The following PDE4B variants were observed in gnomAD, a reference collection of about 807,000 sequenced individuals.
PDE4B encodes the protein 3',5'-cyclic-AMP phosphodiesterase 4B.
Under a neutral mutation model 82.2 loss-of-function variants are expected in PDE4B, and 20 were observed. The observed-to-expected ratio is 0.24, with a 90% CI of 0.17 to 0.35. The LOEUF is 0.35. Among genes scored for constraint, PDE4B ranks in the 10% least tolerant of loss-of-function variants. The pLI is 1.00. For missense variants in PDE4B, 655 were observed against 907.2 expected, an observed-to-expected ratio of 0.72 and a Z score of 3.57; for synonymous variants, 320 against 318.9, an observed-to-expected ratio of 1.00 and a Z score of -0.04.
chr1:65,849,130 A>G (rs1646300962), intron 1 of PDE4B, among the ~76,000 whole-genome samples: 1 of 152,204 alleles, frequency 6.6e-6, no homozygotes, highest in Admixed American at 6.5e-5. Flanking sequence ...CTCATGGCTC[A>G]ATAGATAGTG....
intron 3 of PDE4B, among the ~76,000 whole-genome samples, chr1:65,961,208 T>C (rs1183716379): frequency 6.6e-6 from 1 of 152,078 alleles, no homozygotes; most frequent in East Asian, 1.9e-4. Flanking sequence ...GATGGAATTG[T>C]CCAAAAGCCT....
intron 3 of PDE4B, among the ~76,000 whole-genome samples, chr1:65,983,409 T>C (rs1454672163): frequency 6.6e-6 from 1 of 152,174 alleles, no homozygotes; most frequent in Non-Finnish European, 1.5e-5. Context: ...TGGACGTTTA[T>C]GGGTTTGTGT....
intron 3 of PDE4B, among the ~76,000 whole-genome samples, chr1:66,221,976 T>G (rs1300674020): frequency 6.6e-6 from 1 of 152,176 alleles, no homozygotes; most frequent in Non-Finnish European, 1.5e-5. Flanking sequence ...TAACAGTTGT[T>G]TAAACAGAAA....
chr1:66,004,638 G>A (rs565936568), intron 3 of PDE4B, among the ~76,000 whole-genome samples: 27 of 151,844 alleles, frequency 1.8e-4, no homozygotes, highest in South Asian at 6.2e-4. Flanking sequence ...TTAAGTTAAC[G>A]TAAAAAACAT....
At chr1:66,363,097 T>G in intron 10 of PDE4B, 71 bp from the exon 11 acceptor site, 1 of 1,051,836 alleles carries the variant, frequency 9.5e-7, no homozygotes, top group Non-Finnish European at 1.4e-6. Context: ...GTCCAAAAAA[T>G]AAATTAAAAA....
intron 3 of PDE4B, among the ~76,000 whole-genome samples, chr1:65,933,208 A>C (rs1647933929): frequency 6.6e-6 from 1 of 152,202 alleles, no homozygotes; most frequent in Non-Finnish European, 1.5e-5. Context: ...GTAGCAACAG[A>C]AAAGTGATTT....
At chr1:65,877,480 T>A (rs1279449216) in intron 1 of PDE4B, among the ~76,000 whole-genome samples, 1 of 151,978 alleles carries the variant, frequency 6.6e-6, no homozygotes, top group Non-Finnish European at 1.5e-5. Context: ...CTGGGCGTGG[T>A]GGCAGGCGCC....
chr1:65,950,506 G>A (rs1045540067), intron 3 of PDE4B, among the ~76,000 whole-genome samples: 1 of 152,034 alleles, frequency 6.6e-6, no homozygotes, highest in African/African-American at 2.4e-5. Flanking sequence ...TGCTCAATAG[G>A]GGAGTGAGGG....
intron 1 of PDE4B, among the ~76,000 whole-genome samples, chr1:65,909,768 C>T (rs1215475333): frequency 6.6e-6 from 1 of 152,130 alleles, no homozygotes; most frequent in Non-Finnish European, 1.5e-5. Context: ...ATTAAGAGAA[C>T]CTGATCTGTC....
At chr1:65,872,510 A>G (rs1042672190) in intron 1 of PDE4B, among the ~76,000 whole-genome samples, 1 of 152,224 alleles carries the variant, frequency 6.6e-6, no homozygotes, top group Non-Finnish European at 1.5e-5. Flanking sequence ...TCAAAGAGTT[A>G]CAGCAGCTTT....
intron 3 of PDE4B, among the ~76,000 whole-genome samples, chr1:66,132,876 G>C (rs1006509288): frequency 3.3e-5 from 5 of 152,182 alleles, no homozygotes; most frequent in African/African-American, 1.2e-4. Context: ...CCCCAGAGAA[G>C]ACCAAGGTCA....
chr1:65,933,412 G>T (rs1177693342), intron 3 of PDE4B, among the ~76,000 whole-genome samples: 1 of 152,146 alleles, frequency 6.6e-6, no homozygotes, highest in Non-Finnish European at 1.5e-5. Context: ...AAGCAGAGAG[G>T]CTGGGCGCTG....
intron 3 of PDE4B, among the ~76,000 whole-genome samples, chr1:65,985,423 A>AT (rs1173407077): frequency 6.6e-6 from 1 of 151,978 alleles, no homozygotes; most frequent in South Asian, 2.1e-4. Flanking sequence ...ATACTATGTT[A>AT]TTTTTTTCTT....
intron 7 of PDE4B, chr1:66,266,889 G>A (rs1655087738): frequency 3.0e-6 from 1 of 328,092 alleles, no homozygotes; most frequent in Non-Finnish European, 6.1e-6. Flanking sequence ...AAACAATTAA[G>A]ATGAACTCAC....
At chr1:66,107,866 G>A (rs930345737) in intron 3 of PDE4B, among the ~76,000 whole-genome samples, 1 of 151,832 alleles carries the variant, frequency 6.6e-6, no homozygotes, top group African/African-American at 2.4e-5. Context: ...CCAAGTATAT[G>A]TCAATATAAA....
At chr1:66,142,940 T>C (rs1177873761) in intron 3 of PDE4B, among the ~76,000 whole-genome samples, 1 of 152,182 alleles carries the variant, frequency 6.6e-6, no homozygotes, top group South Asian at 2.1e-4. Flanking sequence ...GGGTGGGTAA[T>C]ATAGAGTAAG....
intron 7 of PDE4B, among the ~76,000 whole-genome samples, chr1:66,287,887 T>C (rs1036302632): frequency 6.6e-6 from 1 of 152,064 alleles, no homozygotes; most frequent in South Asian, 2.1e-4. Flanking sequence ...GGCAGGAGGA[T>C]GACTTGAGTC....
At chr1:66,193,018 A>T (rs1647963274) in intron 3 of PDE4B, among the ~76,000 whole-genome samples, 1 of 152,210 alleles carries the variant, frequency 6.6e-6, no homozygotes, top group Non-Finnish European at 1.5e-5. Flanking sequence ...TTTAACAGTT[A>T]TGAAGAATTG....
chr1:65,986,079 C>G (rs958941801), intron 3 of PDE4B, among the ~76,000 whole-genome samples: 2 of 152,160 alleles, frequency 1.3e-5, no homozygotes, highest in Non-Finnish European at 2.9e-5. Flanking sequence ...GCTGTAATCA[C>G]TTTCAAGACA....
Sources: gnomAD v4.1 joint callset for allele counts (sites outside exome capture counted in the v4.1 genomes callset) on GRCh38, gnomAD v4.1.1 for gene constraint, MANE v1.5 for transcripts, NCBI Gene and HGNC (gene_info 2026-07-23, HGNC 2026-07-21) for gene names.